Variants in SLC28A1 observed in about 807,000 individuals in gnomAD.
SLC28A1 encodes solute carrier family 28 member 1, also known as sodium/nucleoside cotransporter 1.
Under a neutral mutation model 74.8 loss-of-function variants are expected in SLC28A1, and 64 were observed. The ratio of observed to expected loss-of-function variants is 0.86; its 90% CI spans 0.70 to 1.05. The LOEUF (loss-of-function observed/expected upper bound fraction) is 1.05, where lower values mean the gene tolerates loss of function less well. SLC28A1 is among the 50% of genes least tolerant of loss of function. The pLI, the probability that SLC28A1 is intolerant of heterozygous loss-of-function variation, is 0.00. For synonymous variants in SLC28A1, 359 were observed against 335.0 expected (o/e 1.07, Z -0.78); for missense variants, 828 against 822.8 (o/e 1.01, Z -0.08).
At chr15:84,964,413 C>T in the SLC28A1 span, among the ~76,000 whole-genome samples, 1 of 152,218 alleles carries the variant, frequency 6.6e-6, no homozygotes, top group Non-Finnish European at 1.5e-5. Context: ...GGAGCAGCTG[C>T]ACAGAGATCA....
intron 6 of SLC28A1, 72 bp downstream of exon 6, chr15:84,895,195 G>A (rs1404857681): frequency 2.5e-6 from 4 of 1,593,132 alleles, no homozygotes; most frequent in East Asian, 4.5e-5. Flanking sequence ...CCAGGGTTAT[G>A]GCCAGGGCTG....
intron 1 of SLC28A1, among the ~76,000 whole-genome samples, chr15:84,885,682 G>A (rs1274982176): frequency 6.9e-6 from 1 of 145,676 alleles, no homozygotes. Flanking sequence ...AGTGAACCGA[G>A]CTCGCACCAC....
At chr15:84,916,240 C>CAGGTGTGAACCACCATGCCTGGCCTTT (rs1555449976) in intron 9 of SLC28A1, among the ~76,000 whole-genome samples, 1 of 98,424 alleles carries the variant, frequency 1.0e-5, no homozygotes, top group Admixed American at 9.8e-5. Flanking sequence ...GCTGGGATTA[C>CAGGTGTGAACCACCATGCCTGGCCTTT]TTTTTTTTTT....
At chr15:84,972,175 G>C in the SLC28A1 span, among the ~76,000 whole-genome samples, 17 of 152,152 alleles carry the variant, frequency 1.1e-4, no homozygotes, top group African/African-American at 4.1e-4. Flanking sequence ...CCTTCCTCCA[G>C]CCTTCTCATC....
chr15:84,952,813 C>T, the SLC28A1 span, among the ~76,000 whole-genome samples: 3 of 152,050 alleles, frequency 2.0e-5, no homozygotes, highest in Admixed American at 2.0e-4. Context: ...GAGCTGTGAT[C>T]GTGCCACTGC....
intron 4 of SLC28A1, among the ~76,000 whole-genome samples, chr15:84,889,931 G>A (rs1965167827): frequency 6.6e-6 from 1 of 150,588 alleles, no homozygotes; most frequent in Non-Finnish European, 1.5e-5. Flanking sequence ...CCCTTCCTGG[G>A]CTCAAGAGAT....
At chr15:84,941,831 A>G (rs1972757396) in intron 15 of SLC28A1, among the ~76,000 whole-genome samples, 1 of 152,144 alleles carries the variant, frequency 6.6e-6, no homozygotes, top group African/African-American at 2.4e-5. Flanking sequence ...GGAAAGAAAG[A>G]AAAAGAAAGT....
At chr15:84,897,123 TC>T (rs1395151019) in intron 6 of SLC28A1, among the ~76,000 whole-genome samples, 1 of 151,346 alleles carries the variant, frequency 6.6e-6, no homozygotes, top group Admixed American at 6.6e-5. Flanking sequence ...ACGCCTGTAA[TC>T]CCAGCACTTT....
intron 6 of SLC28A1, among the ~76,000 whole-genome samples, chr15:84,899,024 C>T (rs938347405): frequency 3.3e-5 from 5 of 152,012 alleles, no homozygotes; most frequent in Non-Finnish European, 7.4e-5. Flanking sequence ...GACAAGGAAA[C>T]TACCCTAGGG....
chr15:84,901,741 T>C (rs2141748917), intron 6 of SLC28A1, among the ~76,000 whole-genome samples: 1 of 152,352 alleles, frequency 6.6e-6, no homozygotes, highest in East Asian at 1.9e-4. Context: ...ATAGAGGAAC[T>C]GAAATTTTTA....
At chr15:84,971,849 A>T in the SLC28A1 span, among the ~76,000 whole-genome samples, 1 of 151,988 alleles carries the variant, frequency 6.6e-6, no homozygotes, top group South Asian at 2.1e-4. Flanking sequence ...GGGTTTCATC[A>T]TGTTGCCCAG....
chr15:84,944,858 C>A lies in SLC28A1; in HGVS notation c.1865C>A (p.Ala622Asp), dbSNP rs773522262. The change falls in exon 18 of 19, where the codon GCC (alanine) becomes GAC (aspartate). Residue 622 changes from alanine (A) to aspartate (D), a missense_variant. Around this residue, in one of 3 missense-constraint regions of SLC28A1, gnomAD observed 53 missense variants for 44.5 expected, o/e 1.19. Transcript: ENST00000394573. ...GAGATTTACCAGTGCTGCCGTGAGGCCTTCCAGAGGTGAGGGCCTGGGCTG... is the reference window on the plus strand; with the variant it reads ...GAGATTTACCAGTGCTGCCGTGAGGACTTCCAGAGGTGAGGGCCTGGGCTG... Reference protein sequence around the residue: ...SFEIYQCCREAFQSVNPEFSP... With the variant: ...SFEIYQCCREDFQSVNPEFSP... The A allele has an allele frequency of 9.9e-6, 16 of 1,611,224 alleles. No individual in the cohort carries two copies. The highest frequency in any genetic ancestry group is 1.7e-4 in the Middle Eastern group (1 of 6,058).
intron 6 of SLC28A1, among the ~76,000 whole-genome samples, chr15:84,900,857 G>T (rs1222578852): frequency 6.9e-6 from 1 of 144,448 alleles, no homozygotes; most frequent in African/African-American, 2.6e-5. Flanking sequence ...AAAGGGAAGG[G>T]GAAGGGTGAA....
chr15:84,910,950 G>A (rs1424888919), intron 9 of SLC28A1, among the ~76,000 whole-genome samples: 1 of 152,234 alleles, frequency 6.6e-6, no homozygotes, highest in Non-Finnish European at 1.5e-5. Context: ...TAGGCAGGAA[G>A]AGGAAATGGC....
intron 3 of SLC28A1, 59 bp from the exon 4 acceptor site, chr15:84,888,713 G>A: frequency 7.9e-7 from 1 of 1,265,404 alleles, no homozygotes; most frequent in Middle Eastern, 2.2e-4. Flanking sequence ...ACCCCCAGCT[G>A]TAAGTTCCTG....
chr15:84,928,599 T>A lies in SLC28A1; in HGVS notation c.1083+4489T>A, dbSNP rs1391003487. Among the ~76,000 whole-genome samples the A allele has an allele frequency of 1.9e-4, 3 of 15,644 alleles. 1 individual carries two copies. Among genetic ancestry groups the A allele is most frequent in the Non-Finnish European group, 3.2e-4 (3 of 9,288 alleles). 10.3% of individuals were successfully genotyped at this position (15,644 alleles called of 152,430 possible). A position where few individuals can be genotyped will look rare whatever the true frequency, so the allele number is the denominator to read the frequency against. On this transcript the variant is annotated intron_variant, in intron 12 of 18. Transcript: ENST00000394573. ...CTTTCTTTCTTTCTTTCTTTCTTTC[T>A]TTCTTTTCTTTCTTTCTTTTCTTTC...
intron 9 of SLC28A1, among the ~76,000 whole-genome samples, chr15:84,912,815 C>CACACAG (rs1294878044): frequency 7.9e-6 from 1 of 127,174 alleles, no homozygotes; most frequent in African/African-American, 2.6e-5. Context: ...CGCACACACA[C>CACACAG]ACACACACAC....
intron 12 of SLC28A1, among the ~76,000 whole-genome samples, chr15:84,928,483 GA>G (rs946932059): frequency 3.3e-5 from 5 of 151,054 alleles, no homozygotes; most frequent in Non-Finnish European, 7.4e-5. Flanking sequence ...CTGAATCCCA[GA>G]AAGGTCTCTC....
rs762269717 is a variant in SLC28A1 at position 84,908,734 on chromosome 15, C to T, written c.734C>T (p.Thr245Met). Residue 245 changes from threonine to methionine, a missense_variant, in exon 9 of 19, where the codon ACG becomes ATG. Thr to Met is a moderately conservative substitution (Grantham distance 81, BLOSUM62 -1). This residue lies in a region of SLC28A1 where 767 missense variants were observed against 753.5 expected (regional missense o/e 1.02). Transcript: ENST00000394573. Reference protein sequence around the residue: ...GEQIRIFLSYTKAGSSFVFGE... With the variant: ...GEQIRIFLSYMKAGSSFVFGE... ...TTCTTTCAGATCTTCCTGAGCTACA[C>T]GAAGGCTGGCTCCAGCTTCGTGTTT... The T allele has an allele frequency of 3.7e-5, 59 of 1,613,788 alleles. No homozygotes were observed. Among genetic ancestry groups the T allele is most frequent in the Admixed American group, 1.2e-4 (7 of 60,004 alleles).
Sources: gnomAD v4.1 joint callset for allele counts (sites outside exome capture counted in the v4.1 genomes callset) on GRCh38, gnomAD v4.1.1 for gene constraint, gnomAD v4.1.1 regional missense constraint, MANE v1.5 for transcripts, NCBI Gene and HGNC (gene_info 2026-07-23, HGNC 2026-07-21) for gene names.